Variants in PLD5 observed in about 807,000 individuals in gnomAD.
PLD5 encodes the protein inactive phospholipase D5.
PLD5 carries 36 observed loss-of-function variants against 61.1 expected under a neutral mutation model. The observed-to-expected ratio is 0.59, with a 90% confidence interval of 0.45 to 0.78. PLD5 has a LOEUF of 0.78. Among genes scored for constraint, PLD5 ranks in the 30% least tolerant of loss-of-function variants. The probability of loss-of-function intolerance (pLI) is 0.00; values close to 1 mark genes in which losing one functional copy is unlikely to be tolerated. For synonymous variants in PLD5, 243 were observed against 242.8 expected (o/e 1.00, Z -0.01); for missense variants, 515 against 644.4 (o/e 0.80, Z 2.17).
intron 7 of PLD5, among the ~76,000 whole-genome samples, chr1:242,113,129 G>A (rs1225249742): frequency 1.6e-5 from 2 of 124,850 alleles, no homozygotes; most frequent in African/African-American, 3.1e-5. Flanking sequence ...TTGCTCTGTC[G>A]CCCAGGCTGG....
chr1:242,480,985 T>C (rs190452134), intron 1 of PLD5, among the ~76,000 whole-genome samples: 3 of 152,162 alleles, frequency 2.0e-5, no homozygotes, highest in African/African-American at 7.2e-5. Flanking sequence ...ACTTAGTACT[T>C]TTTTTAGAAT....
intron 5 of PLD5, among the ~76,000 whole-genome samples, chr1:242,206,444 T>C (rs879893617): frequency 2.6e-5 from 4 of 152,206 alleles, no homozygotes; most frequent in African/African-American, 4.8e-5. Context: ...ATATGTACAG[T>C]GGATCCTTGA....
At chr1:242,381,958 C>A (rs1381235008) in intron 1 of PLD5, among the ~76,000 whole-genome samples, 1 of 152,166 alleles carries the variant, frequency 6.6e-6, no homozygotes, top group South Asian at 2.1e-4. Context: ...AGAAAAGAGA[C>A]AAACGACTTA....
intron 4 of PLD5, among the ~76,000 whole-genome samples, chr1:242,227,610 T>C (rs1453789909): frequency 6.6e-6 from 1 of 152,200 alleles, no homozygotes; most frequent in Non-Finnish European, 1.5e-5. Flanking sequence ...GCAATCTGCC[T>C]GCCTCGGCCT....
At chr1:242,331,934 C>T (rs551862535) in intron 2 of PLD5, among the ~76,000 whole-genome samples, 24 of 152,202 alleles carry the variant, frequency 1.6e-4, no homozygotes, top group African/African-American at 5.1e-4. Flanking sequence ...ATGTGCAGAA[C>T]GTGCAGGTTT....
intron 1 of PLD5, among the ~76,000 whole-genome samples, chr1:242,493,644 C>A (rs1435625957): frequency 6.6e-6 from 1 of 152,152 alleles, no homozygotes; most frequent in Non-Finnish European, 1.5e-5. Context: ...GTCTAGAAAG[C>A]AGCCCCAGGG....
rs553343510 is a variant in PLD5 at position 242,362,036 on chromosome 1, T to C, written c.190-13794A>G. ...AAAATGGAATTTACCTTTAGGAAAC[T>C]ATGACCCTAGAGGTAAAAAAGATAA... On this transcript the variant is annotated intron_variant, in intron 1 of 9. Coordinates refer to ENST00000536534, the MANE Select transcript of PLD5 (RefSeq NM_001372062.1). 1.2e-3 allele frequency among the ~76,000 whole-genome samples: 179 copies of C among 151,800 alleles called. 1 individual carries two copies. The highest frequency in any genetic ancestry group is 2.3e-3 in the Non-Finnish European group (153 of 67,932).
intron 2 of PLD5, among the ~76,000 whole-genome samples, chr1:242,297,026 G>C (rs954902484): frequency 5.9e-5 from 9 of 152,054 alleles, no homozygotes; most frequent in African/African-American, 1.4e-4. Context: ...TCTATTATTT[G>C]TTAGTTGGCA....
At chr1:242,241,371 T>A (rs762802393) in intron 4 of PLD5, among the ~76,000 whole-genome samples, 8 of 152,148 alleles carry the variant, frequency 5.3e-5, no homozygotes, top group Non-Finnish European at 8.8e-5. Flanking sequence ...AGCCCCCTAA[T>A]TTCTATTCAA....
chr1:242,372,454 T>C (rs1380029869), intron 1 of PLD5, among the ~76,000 whole-genome samples: 1 of 152,122 alleles, frequency 6.6e-6, no homozygotes, highest in Non-Finnish European at 1.5e-5. Context: ...TTAAAGTTCA[T>C]ATGGAACCAA....
chr1:242,168,663 T>C (rs1352666531), intron 5 of PLD5, among the ~76,000 whole-genome samples: 1 of 152,130 alleles, frequency 6.6e-6, no homozygotes, highest in Non-Finnish European at 1.5e-5. Context: ...GAATGAGTTA[T>C]TGGCTCATTA....
chr1:242,394,161 AGTATATATATGT>A (rs1186395669), intron 1 of PLD5, among the ~76,000 whole-genome samples: 1 of 94,174 alleles, frequency 1.1e-5, no homozygotes, highest in East Asian at 3.1e-4. Flanking sequence ...TATATATATG[AGTATATATATGT>A]GTATATATGA....
chr1:242,304,325 G>A (rs972422775), intron 2 of PLD5, among the ~76,000 whole-genome samples: 4 of 152,196 alleles, frequency 2.6e-5, no homozygotes, highest in African/African-American at 7.2e-5. Flanking sequence ...CAGCACAGAA[G>A]ACAATTTTGG....
At chr1:242,124,148 C>T (rs1489627623) in intron 6 of PLD5, among the ~76,000 whole-genome samples, 5 of 152,186 alleles carry the variant, frequency 3.3e-5, no homozygotes, top group Admixed American at 6.5e-5. Flanking sequence ...CATGTCCCAT[C>T]GGATGGGCTT....
chr1:242,096,897 C>T lies in PLD5; in HGVS notation c.1354+3771G>A, dbSNP rs542233245. On this transcript the variant is annotated intron_variant, in intron 9 of 9. Transcript: ENST00000536534. ...CTCCTAACGCTATCCCTCCTCCTTCCCCCTCCCCCTCCCCACAACAGCCCC... is the reference window on the plus strand; with the variant it reads ...CTCCTAACGCTATCCCTCCTCCTTCTCCCTCCCCCTCCCCACAACAGCCCC... 1.3e-3 allele frequency among the ~76,000 whole-genome samples: 194 copies of T among 151,540 alleles called. 2 individuals carry two copies. Among genetic ancestry groups the T allele is most frequent in the South Asian group, 0.011 (52 of 4,776 alleles).
At chr1:242,166,869 T>A (rs2148863785) in intron 5 of PLD5, among the ~76,000 whole-genome samples, 1 of 152,244 alleles carries the variant, frequency 6.6e-6, no homozygotes, top group Non-Finnish European at 1.5e-5. Context: ...ACTAGTGATA[T>A]ATTTTATGAG....
At chr1:242,320,630 G>A (rs111609330) in intron 2 of PLD5, among the ~76,000 whole-genome samples, 3,617 of 152,250 alleles carry the variant, frequency 0.024, 138 homozygotes, top group African/African-American at 0.082. Context: ...GTTGCAGAAA[G>A]TTCCAAGGTC....
chr1:242,345,099 C>T (rs1228927876), intron 2 of PLD5, among the ~76,000 whole-genome samples: 1 of 152,074 alleles, frequency 6.6e-6, no homozygotes, highest in South Asian at 2.1e-4. Flanking sequence ...GTGGGAATTC[C>T]GGGAGATACA....
rs182174496 is a variant in PLD5 at position 242,392,622 on chromosome 1, G to C, written c.190-44380C>G. On this transcript the variant is annotated intron_variant, in intron 1 of 9. Coordinates refer to ENST00000536534, the MANE Select transcript of PLD5 (RefSeq NM_001372062.1). ...CTGTCTGGATGGGACAAGGCTGATG[G>C]GCTGGCCCCTCTCTCAGTGCCTCAT... Among the ~76,000 whole-genome samples the C allele has an allele frequency of 7.2e-4, 110 of 152,236 alleles. 1 individual carries two copies. Among genetic ancestry groups the C allele is most frequent in the African/African-American group, 2.5e-3 (103 of 41,534 alleles).
Sources: allele counts gnomAD v4.1 joint callset (sites outside exome capture counted in the v4.1 genomes callset), GRCh38; gene constraint gnomAD v4.1.1; transcripts MANE v1.5; gene names NCBI Gene and HGNC (gene_info 2026-07-23, HGNC 2026-07-21).